Variants in TAF4B observed in about 807,000 individuals in gnomAD.
The protein encoded by TAF4B is TATA-box binding protein associated factor 4b, also known as transcription initiation factor TFIID subunit 4B.
A neutral mutation model predicts 86.4 loss-of-function variants in TAF4B; 38 were observed. The observed-to-expected ratio is 0.44, with a 90% CI of 0.34 to 0.58. The LOEUF (loss-of-function observed/expected upper bound fraction) is 0.58, where lower values mean the gene tolerates loss of function less well. TAF4B is among the 20% of genes least tolerant of loss of function. The pLI is 0.02. For missense variants in TAF4B, 988 were observed against 1,027.6 expected, an observed-to-expected ratio of 0.96 and a Z score of 0.53; for synonymous variants, 388 against 391.2, an observed-to-expected ratio of 0.99 and a Z score of 0.10.
chr18:26,255,704 C>G (rs1301255017), intron 1 of TAF4B: 1 of 1,582,224 alleles, frequency 6.3e-7, no homozygotes, highest in South Asian at 1.1e-5. Context: ...GTCACCACTC[C>G]TGAGTGGAGA....
chr18:26,278,440 A>T, intron 5 of TAF4B, among the ~76,000 whole-genome samples: 1 of 151,990 alleles, frequency 6.6e-6, no homozygotes. Flanking sequence ...AGTAGCTAGG[A>T]CTAAGAGGTG....
At chr18:26,267,650 T>C (rs1005970385) in intron 3 of TAF4B, 27 bp downstream of exon 3, 2 of 1,496,952 alleles carry the variant, frequency 1.3e-6, no homozygotes, top group Non-Finnish European at 1.9e-6. Context: ...ATTCGTGCAC[T>C]TGTTGTTCTC....
chr18:26,379,150 T>C (rs1204865129), intron 14 of TAF4B, among the ~76,000 whole-genome samples: 1 of 152,146 alleles, frequency 6.6e-6, no homozygotes, highest in African/African-American at 2.4e-5. Flanking sequence ...ATACTCCCTT[T>C]AGCAATGTAC....
chr18:26,232,568 C>T (rs1467101397), intron 1 of TAF4B, among the ~76,000 whole-genome samples: 1 of 152,196 alleles, frequency 6.6e-6, no homozygotes, highest in Non-Finnish European at 1.5e-5. Context: ...AGCCATGTCG[C>T]CCAACTCCAG....
At chr18:26,343,080 A>G (rs1212638185) in intron 13 of TAF4B, among the ~76,000 whole-genome samples, 2 of 152,232 alleles carry the variant, frequency 1.3e-5, no homozygotes, top group Non-Finnish European at 2.9e-5. Context: ...GTAAATAGTA[A>G]ACAGATTGGG....
rs371227676 is a variant in TAF4B at position 26,321,167 on chromosome 18, T to C, written c.2100T>C (p.Thr700=). ...TACGAGGCCTTCTAGAAAAACTGAC[T>C]GCAATTGCTCAGCATCGAATGACTA... ...ERLRGLLEKL[T]AIAQHRMTTY... is the part of the protein sequence containing the mutation. The change falls in exon 11 of 15, where the codon ACT becomes ACC. Residue 700 remains threonine (T), a synonymous_variant. Coordinates refer to ENST00000269142, the MANE Select transcript of TAF4B (RefSeq NM_005640.3). The C allele has an allele frequency of 6.2e-7, 1 of 1,613,820 alleles. No individual in the cohort carries two copies. The highest frequency in any genetic ancestry group is 8.5e-7 in the Non-Finnish European group (1 of 1,179,816).
chr18:26,314,475 GTA>G (rs2056882327), intron 9 of TAF4B, among the ~76,000 whole-genome samples: 2 of 152,148 alleles, frequency 1.3e-5, no homozygotes, highest in South Asian at 4.1e-4. Flanking sequence ...GCACATGTAT[GTA>G]TGTGTGTGTG....
rs2056604294 is a variant in TAF4B, at chr18:26,292,391, G to T, written c.1726+10G>T. 10 of 1,607,516 alleles carry T rather than the reference G, an allele frequency of 6.2e-6. No homozygotes were observed. Among genetic ancestry groups the T allele is most frequent in the Non-Finnish European group, 8.5e-6 (10 of 1,177,670 alleles). On this transcript the variant is annotated intron_variant, in intron 8 of 14. Transcript: ENST00000269142. ...AGTCAGTTTCCTCCAGGTAGATGCT[G>T]GTCCATCTCAGTCCCATCATGCTGG...
At chr18:26,373,496 G>A (rs2057420576) in intron 14 of TAF4B, among the ~76,000 whole-genome samples, 1 of 151,912 alleles carries the variant, frequency 6.6e-6, no homozygotes, top group African/African-American at 2.4e-5. Flanking sequence ...ATCAATATAT[G>A]TATATTGTAG....
chr18:26,305,335 A>G (rs1424825185), intron 9 of TAF4B, among the ~76,000 whole-genome samples: 4 of 152,228 alleles, frequency 2.6e-5, no homozygotes, highest in African/African-American at 4.8e-5. Flanking sequence ...CTTATTTGCA[A>G]TGCCACCTTT....
chr18:26,239,699 TC>T (rs1468092672), intron 1 of TAF4B, among the ~76,000 whole-genome samples: 3 of 152,254 alleles, frequency 2.0e-5, no homozygotes, highest in African/African-American at 7.2e-5. Flanking sequence ...TAGGTTTTCT[TC>T]TAGAGTTTTC....
chr18:26,309,766 A>G (rs2056835174), intron 9 of TAF4B, among the ~76,000 whole-genome samples: 1 of 152,146 alleles, frequency 6.6e-6, no homozygotes, highest in African/African-American at 2.4e-5. Flanking sequence ...CATTTTACAG[A>G]TAAGGGGATC....
intron 12 of TAF4B, among the ~76,000 whole-genome samples, chr18:26,329,982 T>G (rs1390647916): frequency 6.6e-6 from 1 of 152,182 alleles, no homozygotes; most frequent in African/African-American, 2.4e-5. Context: ...ATTTTTTAAT[T>G]TTTTAGAGAT....
intron 3 of TAF4B, among the ~76,000 whole-genome samples, chr18:26,268,548 T>C (rs538496688): frequency 6.6e-6 from 1 of 152,370 alleles, no homozygotes; most frequent in Admixed American, 6.5e-5. Context: ...CATGTTCATT[T>C]GAGGTCAGGG....
At position 26,347,670 on chromosome 18, in the gene TAF4B, T is replaced by G. The variant is rs78834045; in HGVS notation, c.2317-10020T>G. ...AATAAAACAAGACTCAACTGTATAC[T>G]GCCGACAGTAAATTCACTTCAGCTG... is the stretch of plus-strand genomic sequence containing the variant. On this transcript the variant is annotated intron_variant, in intron 13 of 14. Coordinates refer to ENST00000269142, the MANE Select transcript of TAF4B (RefSeq NM_005640.3). Among the ~76,000 whole-genome samples, 22 of 152,328 alleles carry G rather than the reference T, an allele frequency of 1.4e-4. No homozygotes were observed. The East Asian group carries it at 4.2e-3, about 29-fold the overall frequency.
chr18:26,316,388 TTC>T lies in TAF4B; in HGVS notation c.2002+992_2002+993del, dbSNP rs1052857526. On this transcript the variant is annotated intron_variant, in intron 10 of 14. Transcript: ENST00000269142. The stretch of plus-strand genomic sequence containing the variant: ...AATGACCAGGGTTTTCTTCTTCTTC[TTC>T]TTTTTTTTTTCCTCAAGATGGAGGG... 5.0e-4 allele frequency among the ~76,000 whole-genome samples: 76 copies of T among 151,540 alleles called. 1 individual carries two copies. The highest frequency in any genetic ancestry group is 1.8e-3 in the African/African-American group (73 of 41,398).
At chr18:26,277,028 A>G (rs2056392101) in intron 5 of TAF4B, among the ~76,000 whole-genome samples, 4 of 152,154 alleles carry the variant, frequency 2.6e-5, no homozygotes, top group African/African-American at 9.7e-5. Context: ...TCCCCAAGGC[A>G]TTTTGTTTTT....
intron 5 of TAF4B, among the ~76,000 whole-genome samples, chr18:26,277,012 G>C (rs568056577): frequency 1.3e-4 from 20 of 152,188 alleles, no homozygotes; most frequent in Admixed American, 4.6e-4. Context: ...CCTAAAACTT[G>C]AGGACTCCCC....
intron 14 of TAF4B, among the ~76,000 whole-genome samples, chr18:26,378,183 A>C (rs1345463324): frequency 6.6e-6 from 1 of 152,154 alleles, no homozygotes; most frequent in African/African-American, 2.4e-5. Context: ...GCTTGGGGCC[A>C]GCAGTACTAA....
Sources: gnomAD v4.1 joint callset for allele counts (sites outside exome capture counted in the v4.1 genomes callset) on GRCh38, gnomAD v4.1.1 for gene constraint, MANE v1.5 for transcripts, NCBI Gene and HGNC (gene_info 2026-07-23, HGNC 2026-07-21) for gene names.